Variants in CCDC102A observed in about 807,000 individuals in gnomAD.
CCDC102A encodes coiled-coil domain-containing protein 102A.
In CCDC102A, 40 loss-of-function variants were observed where a neutral mutation model predicts 55.5. The observed-to-expected ratio is 0.72, with a 90% confidence interval of 0.56 to 0.94. The LOEUF (loss-of-function observed/expected upper bound fraction) is 0.94, where lower values mean the gene tolerates loss of function less well. CCDC102A is among the 40% of genes least tolerant of loss of function. The pLI, the probability that CCDC102A is intolerant of heterozygous loss-of-function variation, is 0.00. For synonymous variants in CCDC102A, 323 were observed against 339.0 expected (o/e 0.95, Z 0.52); for missense variants, 779 against 768.6 (o/e 1.01, Z -0.16).
At chr16:57,536,100 G>A (rs1489307878) in intron 1 of CCDC102A, among the ~76,000 whole-genome samples, 1 of 152,138 alleles carries the variant, frequency 6.6e-6, no homozygotes, top group African/African-American at 2.4e-5. Flanking sequence ...CCGCGGCTCT[G>A]GGCAGGGCGC....
chr16:57,528,704 C>A lies in CCDC102A; in HGVS notation c.474G>T (p.Ala158=). ...CGACCCCCCGGGCGCCCCTCAGCCG[C>A]GCCAGCTCGCGGCCCCGTGCCTCGC... ...GECEARGREL[A]RLRGARGVAD... is the part of the protein sequence containing the mutation. Residue 158 remains alanine, a synonymous_variant, in exon 2 of 9, where the codon GCG becomes GCT. Coordinates refer to ENST00000258214, the MANE Select transcript of CCDC102A (RefSeq NM_033212.4). The A allele has an allele frequency of 8.9e-7, 1 of 1,123,140 alleles. No homozygotes were observed. The highest frequency in any genetic ancestry group is 1.1e-6 in the Non-Finnish European group (1 of 913,662). 69.6% of individuals were successfully genotyped at this position (1,123,140 alleles called of 1,614,324 possible).
At chr16:57,533,779 C>T (rs2032319668) in intron 1 of CCDC102A, among the ~76,000 whole-genome samples, 1 of 152,182 alleles carries the variant, frequency 6.6e-6, no homozygotes, top group African/African-American at 2.4e-5. Context: ...CCTGGTAACG[C>T]ACACACTCAC....
chr16:57,512,319 A>G lies in CCDC102A; in HGVS notation c.*422T>C. ...TGCCCCAAGAACTTGAACTTCATTT[A>G]TTACAAATAACTGGGTTCACTGCAT... On this transcript the variant is annotated 3_prime_UTR_variant, in exon 9 of 9. Transcript: ENST00000258214. The G allele has an allele frequency of 5.0e-6, 2 of 398,518 alleles. No homozygotes were observed. Among genetic ancestry groups the G allele is most frequent in the East Asian group, 7.1e-5 (2 of 28,064 alleles). 24.7% of individuals were successfully genotyped at this position (398,518 alleles called of 1,614,324 possible).
rs757691994 is a variant in CCDC102A at position 57,516,444 on chromosome 16, T to C, written c.1268A>G (p.His423Arg). The C allele has an allele frequency of 1.2e-6, 2 of 1,608,078 alleles. No homozygotes were observed. Among genetic ancestry groups the C allele is most frequent in the Non-Finnish European group, 1.7e-6 (2 of 1,179,876 alleles). Residue 423 changes from histidine to arginine, a missense_variant, in exon 7 of 9, where the codon CAT (histidine) becomes CGT (arginine). By Grantham distance (29) the His-to-Arg change is conservative. Transcript: ENST00000258214. The surrounding 1 kb of genome is among the most constrained non-coding windows in gnomAD (Gnocchi z 4.4). ...EKNKELADLK[H>R]VHGKLKKQFQ... ...CTGCTTCTTCAGCTTGCCATGCACATGCTTCAGGTCTGCCAGCTCCTACAG... is the reference window on the plus strand; with the variant it reads ...CTGCTTCTTCAGCTTGCCATGCACACGCTTCAGGTCTGCCAGCTCCTACAG...
In CCDC102A at chr16:57,529,036, A is replaced by G. The variant is rs2032201955; in HGVS notation, c.142T>C (p.Ser48Pro). The G allele has an allele frequency of 1.1e-5, 12 of 1,112,392 alleles. No homozygotes were observed. Among genetic ancestry groups the G allele is most frequent in the Non-Finnish European group, 1.2e-5 (11 of 911,430 alleles). The allele number at this position is 1,112,392 out of a possible 1,614,324, so 68.9% of individuals were successfully genotyped here. Residue 48 changes from serine to proline, a missense_variant, in exon 2 of 9, where the codon TCG becomes CCG. Ser to Pro is a moderately conservative substitution (Grantham distance 74). Coordinates refer to ENST00000258214, the MANE Select transcript of CCDC102A (RefSeq NM_033212.4). This position sits in a 1 kb window ranked among gnomAD's most constrained non-coding sequence, Gnocchi z 4.1. ...LPPTPPSGTP[S>P]PGPPPALPLP... Reference sequence around the variant, plus strand: ...GGCAGTGCGGGCGGCGGCCCGGGCGAGGGCGTGCCGCTGGGCGGCGTGGGC... The same window carrying G: ...GGCAGTGCGGGCGGCGGCCCGGGCGGGGGCGTGCCGCTGGGCGGCGTGGGC...
intron 3 of CCDC102A, among the ~76,000 whole-genome samples, chr16:57,522,083 T>C (rs926304026): frequency 1.3e-5 from 2 of 152,250 alleles, no homozygotes; most frequent in Admixed American, 1.3e-4. Context: ...ACTGAATGCA[T>C]GCACAGCCCA....
intron 1 of CCDC102A, among the ~76,000 whole-genome samples, chr16:57,531,230 C>T (rs1033190303): frequency 2.0e-5 from 3 of 151,920 alleles, no homozygotes; most frequent in South Asian, 2.1e-4. Flanking sequence ...TGCCTCCATT[C>T]CCCCCGTGAC....
intron 1 of CCDC102A, among the ~76,000 whole-genome samples, chr16:57,534,902 G>A (rs768286856): frequency 2.6e-5 from 4 of 152,210 alleles, no homozygotes; most frequent in Non-Finnish European, 5.9e-5. Context: ...GTTGTGTTTT[G>A]TCCTCAGCAT....
chr16:57,526,513 T>A (rs915471962), intron 2 of CCDC102A, among the ~76,000 whole-genome samples: 2 of 152,212 alleles, frequency 1.3e-5, no homozygotes, highest in Middle Eastern at 3.2e-3. Flanking sequence ...ATCCTGTTTT[T>A]TCAGGGGCAA....
intron 3 of CCDC102A, among the ~76,000 whole-genome samples, chr16:57,522,542 C>T (rs560452692): frequency 1.6e-4 from 25 of 152,336 alleles, no homozygotes; most frequent in African/African-American, 5.8e-4. Context: ...GCATGAGCCA[C>T]GGTGCCCGGC....
intron 2 of CCDC102A, among the ~76,000 whole-genome samples, chr16:57,527,490 G>A (rs1281747910): frequency 2.7e-5 from 4 of 149,580 alleles, no homozygotes; most frequent in African/African-American, 9.9e-5. Context: ...TGTGATCTCG[G>A]CTCACTGCAA....
In CCDC102A at chr16:57,525,802, A is replaced by G. The variant is rs1373834029; in HGVS notation, c.812+99T>C. 3.7e-6 allele frequency: 4 copies of G among 1,070,454 alleles called. No homozygotes were observed. In the African/African-American group the frequency reaches 4.8e-5, roughly 13 times the overall value. 66.3% of individuals were successfully genotyped at this position (1,070,454 alleles called of 1,614,324 possible). A position where few individuals can be genotyped will look rare whatever the true frequency, so the allele number is the denominator to read the frequency against. On this transcript the variant is annotated intron_variant, in intron 3 of 8. Coordinates refer to ENST00000258214, the MANE Select transcript of CCDC102A (RefSeq NM_033212.4). ...TACAGTTCCAAGATACAGTCTAAAC[A>G]CTACCTGTCATCTTCGTGAGTCTAA...
rs549604567 is a variant in CCDC102A at position 57,529,005 on chromosome 16, G to A, written c.173C>T (p.Pro58Leu). 7.5e-5 allele frequency: 84 copies of A among 1,115,126 alleles called. No homozygotes were observed. In the African/African-American group the frequency reaches 1.3e-3, roughly 17 times the overall value. The allele number at this position is 1,115,126 out of a possible 1,614,324, so 69.1% of individuals were successfully genotyped here. ...GTCGGCCAGCAGCGCGGGCGCGGGG[G>A]GCAGGGGCAGTGCGGGCGGCGGCCC... ...SPGPPPALPL[P>L]PAPALLADGD... The change falls in exon 2 of 9, where the codon CCC (proline) becomes CTC (leucine). Residue 58 changes from proline to leucine, a missense_variant. By Grantham distance (98) the Pro-to-Leu change is moderately conservative (BLOSUM62 -3). Coordinates refer to ENST00000258214, the MANE Select transcript of CCDC102A (RefSeq NM_033212.4). This position sits in a 1 kb window ranked among gnomAD's most constrained non-coding sequence, Gnocchi z 4.1.
rs115673989 is a variant in CCDC102A, at chr16:57,534,841, G to T, written c.-148+1659C>A. On this transcript the variant is annotated intron_variant, in intron 1 of 8. Transcript: ENST00000258214. ...TAAGAGGTCATCTCACGGCCAAGTC[G>T]GCTGTCCCACCTTTTACCTGGGGAA... 3.9e-3 allele frequency among the ~76,000 whole-genome samples: 590 copies of T among 152,304 alleles called. 4 individuals carry two copies. Among genetic ancestry groups the T allele is most frequent in the African/African-American group, 0.014 (575 of 41,554 alleles).
intron 1 of CCDC102A, among the ~76,000 whole-genome samples, chr16:57,531,851 C>T (rs1269834698): frequency 6.6e-6 from 1 of 152,236 alleles, no homozygotes; most frequent in Non-Finnish European, 1.5e-5. Flanking sequence ...CACTGCTTTG[C>T]CCACTCTTAC....
At position 57,512,556 on chromosome 16, in the gene CCDC102A, T is replaced by C. The variant is rs1414439712; in HGVS notation, c.*185A>G. On this transcript the variant is annotated 3_prime_UTR_variant, in exon 9 of 9. Transcript: ENST00000258214. ...TGTGTGTATATATATATATAAAACA[T>C]AGGCTTCCTTTCCACAGGGCGTTGG... is the stretch of plus-strand genomic sequence containing the variant. The C allele has an allele frequency of 4.5e-6, 3 of 661,030 alleles. No homozygotes were observed. The highest frequency in any genetic ancestry group is 2.1e-5 in the South Asian group (1 of 46,938). The allele number at this position is 661,030 out of a possible 1,614,324, so 40.9% of individuals were successfully genotyped here.
At chr16:57,531,488 T>A (rs1468047753) in intron 1 of CCDC102A, among the ~76,000 whole-genome samples, 2 of 150,592 alleles carry the variant, frequency 1.3e-5, no homozygotes, top group Admixed American at 1.3e-4. Context: ...CACACCCACC[T>A]CCCTGCCCAT....
In CCDC102A at chr16:57,525,790, T is replaced by C. The variant is rs572809088; in HGVS notation, c.812+111A>G. ...ACACCACTGCTCTACAGTTCCAAGA[T>C]ACAGTCTAAACACTACCTGTCATCT... On this transcript the variant is annotated intron_variant, in intron 3 of 8. Coordinates refer to ENST00000258214, the MANE Select transcript of CCDC102A (RefSeq NM_033212.4). 1.9e-4 allele frequency: 182 copies of C among 960,088 alleles called. 2 individuals are homozygous for C. In the East Asian group the frequency reaches 4.7e-3, roughly 25 times the overall value. 59.5% of individuals were successfully genotyped at this position (960,088 alleles called of 1,614,324 possible).
At position 57,528,648 on chromosome 16, in the gene CCDC102A, T is replaced by A; in HGVS notation, c.530A>T (p.Glu177Val). The A allele has an allele frequency of 8.4e-7, 1 of 1,197,514 alleles. No homozygotes were observed. The highest frequency in any genetic ancestry group is 4.5e-5 in the Admixed American group (1 of 22,210). The allele number at this position is 1,197,514 out of a possible 1,614,324, so 74.2% of individuals were successfully genotyped here. ...GTCACGCACTGGCTCGCGCTCCGCT[T>A]CCGGCTCGGGGCCGTCGCGCGTCTG... Reference protein sequence around the residue: ...ADQTRDGPEPEAEREPVRDVG... With the variant: ...ADQTRDGPEPVAEREPVRDVG... The change falls in exon 2 of 9, where the codon GAA (glutamate) becomes GTA (valine). Residue 177 changes from glutamate (E) to valine (V), a missense_variant. By Grantham distance (121) the Glu-to-Val change is moderately radical. Coordinates refer to ENST00000258214, the MANE Select transcript of CCDC102A (RefSeq NM_033212.4).
Sources: allele counts gnomAD v4.1 joint callset (sites outside exome capture counted in the v4.1 genomes callset), GRCh38; gene constraint gnomAD v4.1.1; non-coding constraint Gnocchi (gnomAD v3.1); transcripts MANE v1.5; gene names NCBI Gene and HGNC (gene_info 2026-07-23, HGNC 2026-07-21).